CADM2: variants seen among roughly 807,000 people sequenced by gnomAD.
CADM2 encodes cell adhesion molecule 2, also known as immunoglobulin superfamily member 4D.
A neutral mutation model predicts 49.8 loss-of-function variants in CADM2; 12 were observed. The ratio of observed to expected loss-of-function variants is 0.24; its 90% CI spans 0.15 to 0.39. The LOEUF (loss-of-function observed/expected upper bound fraction) is 0.39, where lower values mean the gene tolerates loss of function less well. Among genes scored for constraint, CADM2 ranks in the 10% least tolerant of loss-of-function variants. The pLI is 1.00. For synonymous variants in CADM2, 214 were observed against 175.4 expected (o/e 1.22, Z -1.74); for missense variants, 378 against 492.3 (o/e 0.77, Z 2.20).
chr3:85,228,026 A>T (rs1035264741), intron 1 of CADM2, among the ~76,000 whole-genome samples: 2 of 152,136 alleles, frequency 1.3e-5, no homozygotes, highest in Non-Finnish European at 2.9e-5. Flanking sequence ...TTTGTGGGTA[A>T]CCTGACCTTT....
intron 1 of CADM2, among the ~76,000 whole-genome samples, chr3:85,594,059 G>A (rs2063180080): frequency 6.6e-6 from 1 of 151,802 alleles, no homozygotes; most frequent in Admixed American, 6.6e-5. Flanking sequence ...GCTATTGCTG[G>A]TTACATATTT....
chr3:85,018,128 T>A (rs2034331865), intron 1 of CADM2, among the ~76,000 whole-genome samples: 1 of 152,180 alleles, frequency 6.6e-6, no homozygotes, highest in Non-Finnish European at 1.5e-5. Flanking sequence ...AGTGTGTGCA[T>A]ATATGTGTGT....
chr3:85,568,242 C>G lies in CADM2; in HGVS notation c.62-158280C>G, dbSNP rs1246768884. Among the ~76,000 whole-genome samples, 3 of 152,122 alleles carry G rather than the reference C, an allele frequency of 2.0e-5. No homozygotes were observed. In the East Asian group the frequency reaches 5.8e-4, roughly 29 times the overall value. On this transcript the variant is annotated intron_variant, in intron 1 of 9. Transcript: ENST00000383699. ...AGACAGACTACAGTCCAAATAATCA[C>G]AATTCACTCTGCGAAGTGGTACACA...
intron 1 of CADM2, among the ~76,000 whole-genome samples, chr3:85,406,044 A>C (rs1262449934): frequency 6.6e-6 from 1 of 152,032 alleles, no homozygotes; most frequent in Non-Finnish European, 1.5e-5. Flanking sequence ...GGCCTTCATA[A>C]GTAATTTAAC....
At chr3:85,122,036 T>C (rs1179597354) in intron 1 of CADM2, among the ~76,000 whole-genome samples, 1 of 151,982 alleles carries the variant, frequency 6.6e-6, no homozygotes, top group Non-Finnish European at 1.5e-5. Flanking sequence ...TTTTTTTTTG[T>C]CAACAGCTAC....
intron 1 of CADM2, among the ~76,000 whole-genome samples, chr3:85,101,398 T>A (rs895952225): frequency 6.6e-6 from 1 of 152,202 alleles, no homozygotes; most frequent in African/African-American, 2.4e-5. Context: ...CTTGTTACGA[T>A]ATATTATAAC....
chr3:85,192,241 A>G (rs1345703211), intron 1 of CADM2, among the ~76,000 whole-genome samples: 1 of 152,072 alleles, frequency 6.6e-6, no homozygotes, highest in African/African-American at 2.4e-5. Context: ...CTTTACTGGA[A>G]GATTCTAATG....
intron 1 of CADM2, among the ~76,000 whole-genome samples, chr3:85,276,377 C>A (rs1049077845): frequency 6.6e-6 from 1 of 151,206 alleles, no homozygotes; most frequent in Non-Finnish European, 1.5e-5. Flanking sequence ...TTTTAAAAAT[C>A]CTTTGGATCA....
chr3:85,563,413 G>GGGGC (rs1417786295), intron 1 of CADM2, among the ~76,000 whole-genome samples: 2 of 146,964 alleles, frequency 1.4e-5, no homozygotes, highest in East Asian at 2.1e-4. Flanking sequence ...TGTGTGTGTG[G>GGGGC]GGGGGTGGTA....
chr3:85,306,742 C>G (rs988884756), intron 1 of CADM2, among the ~76,000 whole-genome samples: 8 of 151,684 alleles, frequency 5.3e-5, no homozygotes, highest in Non-Finnish European at 1.2e-4. Context: ...TGTCTAATTC[C>G]ACAAAGACAT....
intron 5 of CADM2, among the ~76,000 whole-genome samples, chr3:85,888,995 G>A (rs1405423344): frequency 6.6e-6 from 1 of 152,034 alleles, no homozygotes; most frequent in Non-Finnish European, 1.5e-5. Flanking sequence ...AGAAAAGACA[G>A]GCTAATCAAA....
At chr3:86,044,012 A>G (rs998110129) in intron 8 of CADM2, among the ~76,000 whole-genome samples, 1 of 151,964 alleles carries the variant, frequency 6.6e-6, no homozygotes, top group African/African-American at 2.4e-5. Context: ...AGCCATATGT[A>G]GAAAGCTGAA....
intron 1 of CADM2, among the ~76,000 whole-genome samples, chr3:85,673,506 A>AC: frequency 6.6e-6 from 1 of 150,820 alleles, no homozygotes; most frequent in East Asian, 1.9e-4. Context: ...AAAAAAAAAA[A>AC]CCTGCCCAAA....
rs767522677 is a variant in CADM2 at position 85,672,730 on chromosome 3, A to C, written c.62-53792A>C. Reference sequence around the variant, plus strand: ...TTTTAAAATTATAACACAAGCATAAAAATAGTTATAAAATACCTCTACTTT... The same window carrying C: ...TTTTAAAATTATAACACAAGCATAACAATAGTTATAAAATACCTCTACTTT... On this transcript the variant is annotated intron_variant, in intron 1 of 9. Transcript: ENST00000383699. Among the ~76,000 whole-genome samples, 48 of 152,288 alleles carry C rather than the reference A, an allele frequency of 3.2e-4. No homozygotes were observed. The Middle Eastern group carries it at 0.017, about 54-fold the overall frequency.
intron 1 of CADM2, among the ~76,000 whole-genome samples, chr3:85,088,761 A>G (rs2037480277): frequency 6.6e-6 from 1 of 152,156 alleles, no homozygotes; most frequent in African/African-American, 2.4e-5. Flanking sequence ...AATTGTCTTT[A>G]GAAAGAAAGA....
intron 1 of CADM2, among the ~76,000 whole-genome samples, chr3:85,722,757 C>T (rs2067553666): frequency 6.6e-6 from 1 of 152,114 alleles, no homozygotes; most frequent in Admixed American, 6.5e-5. Flanking sequence ...TCATATCAGT[C>T]TTGAGACGGG....
chr3:85,063,501 A>G (rs1180456887), intron 1 of CADM2, among the ~76,000 whole-genome samples: 3 of 152,064 alleles, frequency 2.0e-5, no homozygotes, highest in Admixed American at 6.6e-5. Context: ...CTTACTATCA[A>G]ACTTGTATAT....
intron 1 of CADM2, among the ~76,000 whole-genome samples, chr3:85,541,295 TACAC>T (rs1349525505): frequency 3.3e-5 from 5 of 151,560 alleles, no homozygotes; most frequent in African/African-American, 4.8e-5. Context: ...CACACATGCA[TACAC>T]ACACGTCTGT....
intron 6 of CADM2, among the ~76,000 whole-genome samples, chr3:85,916,009 T>TA (rs1316049950): frequency 6.6e-6 from 1 of 152,118 alleles, no homozygotes; most frequent in Non-Finnish European, 1.5e-5. Flanking sequence ...GAAAAAAGTA[T>TA]AGTAGGAGGA....
Sources: gnomAD v4.1 joint callset for allele counts (sites outside exome capture counted in the v4.1 genomes callset) on GRCh38, gnomAD v4.1.1 for gene constraint, MANE v1.5 for transcripts, NCBI Gene and HGNC (gene_info 2026-07-23, HGNC 2026-07-21) for gene names.